ISOC2: variants seen among roughly 807,000 people sequenced by gnomAD.
ISOC2 encodes the protein isochorismatase domain containing 2.
ISOC2 carries 15 observed loss-of-function variants against 19.3 expected under a neutral mutation model. The observed-to-expected ratio is 0.78, with a 90% CI of 0.52 to 1.20. ISOC2 has a LOEUF of 1.20. ISOC2 is among the 50% of genes most tolerant of loss of function. The probability of loss-of-function intolerance (pLI) is 0.00; values close to 1 mark genes in which losing one functional copy is unlikely to be tolerated. For missense variants in ISOC2, 285 were observed against 272.4 expected (o/e 1.05, Z -0.33); for synonymous variants, 106 against 115.8 (o/e 0.92, Z 0.54).
intron 1 of ISOC2, among the ~76,000 whole-genome samples, chr19:55,457,866 T>C (rs911681050): frequency 8.7e-5 from 13 of 149,910 alleles, no homozygotes; most frequent in Admixed American, 8.0e-4. Flanking sequence ...AAGCAGATGA[T>C]TGGCTGCCAG....
At chr19:55,456,571 A>C (rs1205094889) in intron 1 of ISOC2, 82 bp from the exon 2 acceptor site, 1 of 1,547,090 alleles carries the variant, frequency 6.5e-7, no homozygotes, top group African/African-American at 1.4e-5. Flanking sequence ...CCTCACACTC[A>C]GAGCCTGGCA....
chr19:55,453,245 A>AACGG lies in ISOC2; in HGVS notation c.*59_*62dup. ...ACTCTTGGGATCCAGGGATGGGGGG[A>AACGG]ACGGGCTTCCACTGAGGTCCGGGTG... On this transcript the variant is annotated 3_prime_UTR_variant, in exon 6 of 6. Transcript: ENST00000425675. 1 of 1,211,232 alleles carries AACGG rather than the reference A, an allele frequency of 8.3e-7. No homozygotes were observed. The highest frequency in any genetic ancestry group is 1.2e-6 in the Non-Finnish European group (1 of 856,088). The allele number at this position is 1,211,232 out of a possible 1,614,324, so 75.0% of individuals were successfully genotyped here.
chr19:55,453,567 G>C (rs1312837480), intron 5 of ISOC2, 179 bp from the exon 6 acceptor site: 1 of 473,542 alleles, frequency 2.1e-6, no homozygotes, highest in Non-Finnish European at 3.7e-6. Flanking sequence ...ACACGTGACT[G>C]GTTGAGCTCC....
intron 3 of ISOC2, 120 bp from the exon 4 acceptor site, chr19:55,455,450 AG>A: frequency 7.2e-7 from 1 of 1,391,700 alleles, no homozygotes; most frequent in South Asian, 1.2e-5. Context: ...CTCGGATCAG[AG>A]GAAGGGGCCC....
intron 3 of ISOC2, 82 bp from the exon 4 acceptor site, chr19:55,455,412 T>G (rs1986017731): frequency 6.4e-7 from 1 of 1,557,332 alleles, no homozygotes. Context: ...GAGTCAGAAT[T>G]AGGGGCCCAG....
rs754272079 is a variant in ISOC2 at position 55,455,271 on chromosome 19, G to A, written c.408C>T (p.Cys136=). ...GLQVHVVVDA[C]SSRSQVDRLV... is the part of the protein sequence containing the mutation. Reference sequence around the variant, plus strand: ...AGGGGCCCTCTCACCTGCGTGAGGAGCAGGCGTCCACCACCACATGGACCT... The same window carrying A: ...AGGGGCCCTCTCACCTGCGTGAGGAACAGGCGTCCACCACCACATGGACCT... The change falls in exon 4 of 6, where the codon TGC becomes TGT. Residue 136 remains cysteine, a synonymous_variant. Coordinates refer to ENST00000425675, the MANE Select transcript of ISOC2 (RefSeq NM_001136201.2). 1.7e-5 allele frequency: 27 copies of A among 1,611,852 alleles called. No individual in the cohort carries two copies. Among genetic ancestry groups the A allele is most frequent in the Non-Finnish European group, 2.2e-5 (26 of 1,178,944 alleles).
chr19:55,461,279 C>G (rs1986231394), intron 1 of ISOC2, among the ~76,000 whole-genome samples: 1 of 152,120 alleles, frequency 6.6e-6, no homozygotes, highest in African/African-American at 2.4e-5. Flanking sequence ...TCAGTTTTCT[C>G]GTCGGAGAAA....
rs1281656532 is a variant in ISOC2, at chr19:55,452,993, CAT to C, written c.*313_*314del. The C allele has an allele frequency of 2.0e-5, 5 of 244,406 alleles. No homozygotes were observed. The highest frequency in any genetic ancestry group is 6.8e-5 in the African/African-American group (3 of 44,180). 15.1% of individuals were successfully genotyped at this position (244,406 alleles called of 1,614,324 possible). A position where few individuals can be genotyped will look rare whatever the true frequency, so the allele number is the denominator to read the frequency against. On this transcript the variant is annotated 3_prime_UTR_variant, in exon 6 of 6. Coordinates refer to ENST00000425675, the MANE Select transcript of ISOC2 (RefSeq NM_001136201.2). ...CCAAGAATGGTTTGGTCCACAGCCA[CAT>C]ATATGTTTATTCTGCGAGTCCGTGT... is the stretch of plus-strand genomic sequence containing the variant.
Position 55,455,122 on chromosome 19 carries a change from A to C in ISOC2, c.420-16T>G. On this transcript the variant is annotated splice_polypyrimidine_tract_variant and intron_variant, in intron 4 of 5. Transcript: ENST00000425675. ...GTCCACCTGGCTGTGAGTGGGAGGGAGGGAGGGAAGGTTGGTGTGGACGCC... is the reference window on the plus strand; with the variant it reads ...GTCCACCTGGCTGTGAGTGGGAGGGCGGGAGGGAAGGTTGGTGTGGACGCC... The C allele has an allele frequency of 3.5e-6, 2 of 568,520 alleles. No individual in the cohort carries two copies. Among genetic ancestry groups the C allele is most frequent in the Non-Finnish European group, 6.8e-6 (2 of 294,692 alleles). 35.2% of individuals were successfully genotyped at this position (568,520 alleles called of 1,614,324 possible). A position where few individuals can be genotyped will look rare whatever the true frequency, so the allele number is the denominator to read the frequency against.
intron 5 of ISOC2, chr19:55,454,604 G>A (rs1985982392): frequency 9.6e-6 from 2 of 208,050 alleles, no homozygotes; most frequent in Non-Finnish European, 2.0e-5. Flanking sequence ...GTTGGAGATG[G>A]GTGTGGACGG....
In ISOC2 at chr19:55,453,109, T is replaced by A; in HGVS notation, c.*199A>T. 7 of 498,770 alleles carry A rather than the reference T, an allele frequency of 1.4e-5. No homozygotes were observed. Among genetic ancestry groups the A allele is most frequent in the Admixed American group, 4.0e-5 (1 of 24,784 alleles). 30.9% of individuals were successfully genotyped at this position (498,770 alleles called of 1,614,324 possible). A position where few individuals can be genotyped will look rare whatever the true frequency, so the allele number is the denominator to read the frequency against. ...CCCGCCTCCATCTTGGCTCAGCCAA[T>A]TCCCACCCAGTTTCCAGGAGTCTCA... On this transcript the variant is annotated 3_prime_UTR_variant, in exon 6 of 6. Coordinates refer to ENST00000425675, the MANE Select transcript of ISOC2 (RefSeq NM_001136201.2).
chr19:55,460,459 G>A lies in ISOC2; in HGVS notation c.-4+1053C>T, dbSNP rs529054896. ...GAGCCTTTTCACTGGGTCCTATTCT[G>A]TTTCTTCTGAATTCTGGACAATGTG... On this transcript the variant is annotated intron_variant, in intron 1 of 5. Coordinates refer to ENST00000425675, the MANE Select transcript of ISOC2 (RefSeq NM_001136201.2). Among the ~76,000 whole-genome samples, 3 of 152,266 alleles carry A rather than the reference G, an allele frequency of 2.0e-5. No individual in the cohort carries two copies. In the East Asian group the frequency reaches 5.8e-4, roughly 29 times the overall value.
Position 55,455,123 on chromosome 19 carries a change from G to C in ISOC2, c.420-17C>G, listed in dbSNP as rs1986003120. ...TCCACCTGGCTGTGAGTGGGAGGGA[G>C]GGAGGGAAGGTTGGTGTGGACGCCG... On this transcript the variant is annotated splice_polypyrimidine_tract_variant and intron_variant, in intron 4 of 5. Transcript: ENST00000425675. 1 of 1,584,194 alleles carries C rather than the reference G, an allele frequency of 6.3e-7. No homozygotes were observed. The highest frequency in any genetic ancestry group is 8.7e-7 in the Non-Finnish European group (1 of 1,154,238).
chr19:55,460,299 G>A (rs1422769464), intron 1 of ISOC2, among the ~76,000 whole-genome samples: 1 of 152,218 alleles, frequency 6.6e-6, no homozygotes, highest in Non-Finnish European at 1.5e-5. Flanking sequence ...TGTATGGAAT[G>A]CTCCTTTTTG....
chr19:55,455,506 G>T, intron 3 of ISOC2, 130 bp downstream of exon 3: 1 of 1,105,640 alleles, frequency 9.0e-7, no homozygotes, highest in Non-Finnish European at 1.3e-6. Context: ...CCACAGGTGA[G>T]GAGAGAGGGC....
chr19:55,456,219 T>C (rs1986055392), intron 2 of ISOC2, 130 bp downstream of exon 2: 2 of 587,000 alleles, frequency 3.4e-6, no homozygotes, highest in African/African-American at 2.1e-5. Flanking sequence ...GCCTGGATCC[T>C]GGGTCTGAGG....
At chr19:55,458,590 G>A (rs1986139241) in intron 1 of ISOC2, among the ~76,000 whole-genome samples, 2 of 151,000 alleles carry the variant, frequency 1.3e-5, no homozygotes, top group Admixed American at 6.6e-5. Flanking sequence ...GTGTAGTGGC[G>A]CGATCTTGGC....
intron 1 of ISOC2, among the ~76,000 whole-genome samples, chr19:55,457,963 TGGC>T (rs1568459403): frequency 6.7e-6 from 1 of 150,228 alleles, no homozygotes; most frequent in Non-Finnish European, 1.5e-5. Flanking sequence ...GACTTGGTGG[TGGC>T]GGCTGCAGAA....
intron 1 of ISOC2, chr19:55,459,773 G>C (rs952323199): frequency 1.3e-5 from 2 of 151,452 alleles, no homozygotes; most frequent in Non-Finnish European, 3.0e-5. Flanking sequence ...CTGGACACCC[G>C]GGCCCCAAGG....
Sources: gnomAD v4.1 joint callset for allele counts (sites outside exome capture counted in the v4.1 genomes callset) on GRCh38, gnomAD v4.1.1 for gene constraint, MANE v1.5 for transcripts, NCBI Gene and HGNC (gene_info 2026-07-23, HGNC 2026-07-21) for gene names.